Variants in YPEL4 observed in about 807,000 individuals in gnomAD.
YPEL4 encodes the protein yippee like 4.
Under a neutral mutation model 16.3 loss-of-function variants are expected in YPEL4, and 5 were observed. That is an observed-to-expected ratio of 0.31 (90% CI 0.16 to 0.64). YPEL4 has a LOEUF of 0.64. YPEL4 is among the 30% of genes least tolerant of loss of function. The pLI is 0.79. For missense variants in YPEL4, 127 were observed against 170.0 expected, an observed-to-expected ratio of 0.75 and a Z score of 1.41; for synonymous variants, 61 against 60.7, an observed-to-expected ratio of 1.00 and a Z score of -0.02.
intron 3 of YPEL4, 90 bp from the exon 4 acceptor site, chr11:57,646,495 G>C: frequency 6.8e-7 from 1 of 1,473,484 alleles, no homozygotes; most frequent in Non-Finnish European, 9.4e-7. Flanking sequence ...TCCATCTGGA[G>C]AGAACTGGAC....
At chr11:57,646,685 C>T in intron 3 of YPEL4, 66 bp downstream of exon 3, 1 of 1,596,004 alleles carries the variant, frequency 6.3e-7, no homozygotes, top group Non-Finnish European at 8.5e-7. Context: ...CCCCTTTCTC[C>T]ACAGAGGAAA....
At chr11:57,649,012 A>T (rs1016020152) in intron 1 of YPEL4, 1 of 152,260 alleles carries the variant, frequency 6.6e-6, no homozygotes, top group Non-Finnish European at 1.5e-5. Flanking sequence ...AAGCCAAGGA[A>T]AGGCTGCACA....
Position 57,647,749 on chromosome 11 carries a change from T to A in YPEL4, c.-184-458A>T, listed in dbSNP as rs910296260. The A allele has an allele frequency of 1.2e-4, 18 of 152,320 alleles. No individual in the cohort carries two copies. The highest frequency in any genetic ancestry group is 4.1e-4 in the African/African-American group (17 of 41,522). The allele number at this position is 152,320 out of a possible 1,614,324, so 9.4% of individuals were successfully genotyped here. On this transcript the variant is annotated intron_variant, in intron 1 of 4. Transcript: ENST00000300022. The surrounding 1 kb of genome is among the most constrained non-coding windows in gnomAD (Gnocchi z 4.2). ...ACATGGTCTTTGTTTGCAATACAAT[T>A]GGTCCTTTATACATTTTGGGGAGGG...
Position 57,646,581 on chromosome 11 carries a change from C to T in YPEL4, c.185+170G>A, listed in dbSNP as rs1052711780. On this transcript the variant is annotated intron_variant, in intron 3 of 4. Coordinates refer to ENST00000300022, the MANE Select transcript of YPEL4 (RefSeq NM_145008.3). The stretch of plus-strand genomic sequence containing the variant: ...TTTTTCCACCGTTATGATTTCAATT[C>T]TCCCCCGGCTCCCCATGTGAGAACT... 5 of 1,210,518 alleles carry T rather than the reference C, an allele frequency of 4.1e-6. No individual in the cohort carries two copies. The African/African-American group carries it at 7.6e-5, about 18-fold the overall frequency. 75.0% of individuals were successfully genotyped at this position (1,210,518 alleles called of 1,614,324 possible).
At chr11:57,646,480 G>T (rs974647412) in intron 3 of YPEL4, 75 bp from the exon 4 acceptor site, 1 of 1,550,492 alleles carries the variant, frequency 6.4e-7, no homozygotes, top group Non-Finnish European at 8.9e-7. Flanking sequence ...CAGCCCAAGG[G>T]AACTTCCATC....
In YPEL4 at chr11:57,647,272, C is replaced by A. The variant is rs1343181395; in HGVS notation, c.-165G>T. 3.1e-6 allele frequency: 3 copies of A among 969,838 alleles called. No homozygotes were observed. The highest frequency in any genetic ancestry group is 4.3e-6 in the Non-Finnish European group (3 of 691,264). 60.1% of individuals were successfully genotyped at this position (969,838 alleles called of 1,614,324 possible). A position where few individuals can be genotyped will look rare whatever the true frequency, so the allele number is the denominator to read the frequency against. Reference sequence around the variant, plus strand: ...GGCCAGGGCCCCCCCAGACGAGAACCAGATAGAAATAGAAGTCACCTGGGA... The same window carrying A: ...GGCCAGGGCCCCCCCAGACGAGAACAAGATAGAAATAGAAGTCACCTGGGA... On this transcript the variant is annotated 5_prime_UTR_variant, in exon 2 of 5. Coordinates refer to ENST00000300022, the MANE Select transcript of YPEL4 (RefSeq NM_145008.3). The surrounding 1 kb of genome is among the most constrained non-coding windows in gnomAD (Gnocchi z 4.2).
At position 57,647,929 on chromosome 11, in the gene YPEL4, G is replaced by T. The variant is rs1383810334; in HGVS notation, c.-184-638C>A. On this transcript the variant is annotated intron_variant, in intron 1 of 4. Coordinates refer to ENST00000300022, the MANE Select transcript of YPEL4 (RefSeq NM_145008.3). The surrounding 1 kb of genome is among the most constrained non-coding windows in gnomAD (Gnocchi z 4.2). ...AGTACCAAAGCCCTCACGTGTGGCC[G>T]CCCATTCTCGCACCTTGGTTCACTC... 6.6e-6 allele frequency: 1 copy of T among 152,140 alleles called. No homozygotes were observed. Among genetic ancestry groups the T allele is most frequent in the African/African-American group, 2.4e-5 (1 of 41,412 alleles). 9.4% of individuals were successfully genotyped at this position (152,140 alleles called of 1,614,324 possible).
Position 57,647,079 on chromosome 11 carries a change from G to A in YPEL4, c.29C>T (p.Pro10Leu). 1 of 1,592,132 alleles carries A rather than the reference G, an allele frequency of 6.3e-7. No homozygotes were observed. Among genetic ancestry groups the A allele is most frequent in the Non-Finnish European group, 8.5e-7 (1 of 1,171,200 alleles). The change falls in exon 2 of 5, where the codon CCT becomes CTT. Residue 10 changes from proline (P) to leucine (L), a missense_variant. By Grantham distance (98) the Pro-to-Leu change is moderately conservative. Coordinates refer to ENST00000300022, the MANE Select transcript of YPEL4 (RefSeq NM_145008.3). The surrounding 1 kb of genome is among the most constrained non-coding windows in gnomAD (Gnocchi z 4.2). MPSCDPGPGPACLPTKTFRS... is the reference protein window; with the variant it reads MPSCDPGPGLACLPTKTFRS... Reference sequence around the variant, plus strand: ...GAAAGTCTTGGTGGGGAGGCAGGCAGGGCCCGGACCGGGGTCACAGCTGGG... The same window carrying A: ...GAAAGTCTTGGTGGGGAGGCAGGCAAGGCCCGGACCGGGGTCACAGCTGGG...
rs1401991139 is a variant in YPEL4, at chr11:57,645,117, T to C, written c.*864A>G. On this transcript the variant is annotated 3_prime_UTR_variant, in exon 5 of 5. Coordinates refer to ENST00000300022, the MANE Select transcript of YPEL4 (RefSeq NM_145008.3). The stretch of plus-strand genomic sequence containing the variant: ...TTGCTTTTTCCCTTTTTATTAAAAA[T>C]AGACTCAAGCACTTTATGTATCATA... 6.6e-6 allele frequency: 1 copy of C among 152,154 alleles called. No homozygotes were observed. The highest frequency in any genetic ancestry group is 1.5e-5 in the Non-Finnish European group (1 of 68,028). 9.4% of individuals were successfully genotyped at this position (152,154 alleles called of 1,614,324 possible). A position where few individuals can be genotyped will look rare whatever the true frequency, so the allele number is the denominator to read the frequency against.
intron 1 of YPEL4, chr11:57,648,452 G>A (rs1251976235): frequency 6.6e-6 from 1 of 152,334 alleles, no homozygotes; most frequent in Non-Finnish European, 1.5e-5. Context: ...AAGCAGGTGA[G>A]CTGCTGCTTT....
chr11:57,647,457 T>G lies in YPEL4; in HGVS notation c.-184-166A>C. The G allele has an allele frequency of 5.4e-6, 1 of 183,736 alleles. No individual in the cohort carries two copies. Among genetic ancestry groups the G allele is most frequent in the Non-Finnish European group, 1.1e-5 (1 of 89,236 alleles). The allele number at this position is 183,736 out of a possible 1,614,324, so 11.4% of individuals were successfully genotyped here. A position where few individuals can be genotyped will look rare whatever the true frequency, so the allele number is the denominator to read the frequency against. ...TGTCGCCCTGTCCCCTGGATCCCCATTCTGCTCTGGCAAACCTGGCAGCCG... is the reference window on the plus strand; with the variant it reads ...TGTCGCCCTGTCCCCTGGATCCCCAGTCTGCTCTGGCAAACCTGGCAGCCG... On this transcript the variant is annotated intron_variant, in intron 1 of 4. Coordinates refer to ENST00000300022, the MANE Select transcript of YPEL4 (RefSeq NM_145008.3). The surrounding 1 kb of genome is among the most constrained non-coding windows in gnomAD (Gnocchi z 4.2).
Position 57,646,283 on chromosome 11 carries a change from C to A in YPEL4, c.294+14G>T, listed in dbSNP as rs1001117393. ...TGCCACTTTAGAGGGTGACCCTCTT[C>A]CTCAGGTACTTACATATTTCCAGCC... On this transcript the variant is annotated intron_variant, in intron 4 of 4. Transcript: ENST00000300022. The A allele has an allele frequency of 6.8e-6, 11 of 1,614,040 alleles. No individual in the cohort carries two copies. The highest frequency in any genetic ancestry group is 9.3e-6 in the Non-Finnish European group (11 of 1,179,910).
intron 1 of YPEL4, chr11:57,648,892 AC>A (rs944911259): frequency 6.6e-6 from 1 of 151,996 alleles, no homozygotes; most frequent in African/African-American, 2.4e-5. Flanking sequence ...CCACCTTGAA[AC>A]ACCTTCTTCA....
In YPEL4 at chr11:57,647,731, C is replaced by G. The variant is rs1565181152; in HGVS notation, c.-184-440G>C. The G allele has an allele frequency of 2.0e-5, 3 of 152,040 alleles. No individual in the cohort carries two copies. Among genetic ancestry groups the G allele is most frequent in the African/African-American group, 7.3e-5 (3 of 41,308 alleles). 9.4% of individuals were successfully genotyped at this position (152,040 alleles called of 1,614,324 possible). ...CCTGAAGGTCTTTCTTTTACATGGT[C>G]TTTGTTTGCAATACAATTGGTCCTT... On this transcript the variant is annotated intron_variant, in intron 1 of 4. Transcript: ENST00000300022. This position sits in a 1 kb window ranked among gnomAD's most constrained non-coding sequence, Gnocchi z 4.2.
chr11:57,646,137 A>G, intron 4 of YPEL4, 67 bp from the exon 5 acceptor site: 1 of 1,586,050 alleles, frequency 6.3e-7, no homozygotes, highest in Non-Finnish European at 8.7e-7. Flanking sequence ...TGTCACCTGT[A>G]TGGCCCCCAC....
chr11:57,646,917 C>G (rs1945736844), intron 2 of YPEL4, 50 bp downstream of exon 2: 1 of 1,574,062 alleles, frequency 6.4e-7, no homozygotes, highest in Non-Finnish European at 8.6e-7. Context: ...GATGTTCAGG[C>G]TAGCCTGGTG....
In YPEL4 at chr11:57,645,444, A is replaced by G. The variant is rs556676015; in HGVS notation, c.*537T>C. 3 of 154,042 alleles carry G rather than the reference A, an allele frequency of 1.9e-5. No homozygotes were observed. Among genetic ancestry groups the G allele is most frequent in the African/African-American group, 4.8e-5 (2 of 41,544 alleles). 9.5% of individuals were successfully genotyped at this position (154,042 alleles called of 1,614,324 possible). ...ACTATTTCCCAGGGCCTGGGATTTG[A>G]GTTTTCCCTGCACTCAAGTCCTTTT... is the stretch of plus-strand genomic sequence containing the variant. On this transcript the variant is annotated 3_prime_UTR_variant, in exon 5 of 5. Coordinates refer to ENST00000300022, the MANE Select transcript of YPEL4 (RefSeq NM_145008.3).
chr11:57,646,272 G>T, intron 4 of YPEL4, 25 bp downstream of exon 4: 1 of 1,613,236 alleles, frequency 6.2e-7, no homozygotes, highest in Non-Finnish European at 8.5e-7. Flanking sequence ...ACTTTAGAGG[G>T]TGACCCTCTT....
chr11:57,646,675 C>T (rs1020465817), intron 3 of YPEL4, 76 bp downstream of exon 3: 6 of 1,581,706 alleles, frequency 3.8e-6, no homozygotes, highest in African/African-American at 2.7e-5. Flanking sequence ...GATGGATTCC[C>T]CCCTTTCTCC....
Sources: gnomAD v4.1 joint callset for allele counts on GRCh38, gnomAD v4.1.1 for gene constraint, Gnocchi (gnomAD v3.1) non-coding constraint, MANE v1.5 for transcripts, NCBI Gene and HGNC (gene_info 2026-07-23, HGNC 2026-07-21) for gene names.